PPTC7: variants seen among roughly 807,000 people sequenced by gnomAD.
The protein encoded by PPTC7 is protein phosphatase targeting COQ7.
In PPTC7, 6 loss-of-function variants were observed where a neutral mutation model predicts 30.8. That is an observed-to-expected ratio of 0.19 (90% CI 0.11 to 0.38). The LOEUF (loss-of-function observed/expected upper bound fraction) is 0.38, where lower values mean the gene tolerates loss of function less well. Ranked by LOEUF, PPTC7 falls within the 10% of genes least tolerant of loss-of-function variation. The pLI, the probability that PPTC7 is intolerant of heterozygous loss-of-function variation, is 1.00. For synonymous variants in PPTC7, 163 were observed against 168.1 expected (o/e 0.97, Z 0.23); for missense variants, 218 against 404.8 (o/e 0.54, Z 3.96).
intron 1 of PPTC7, among the ~76,000 whole-genome samples, chr12:110,582,336 G>C (rs1265968858): frequency 6.6e-6 from 1 of 152,196 alleles, no homozygotes; most frequent in African/African-American, 2.4e-5. Flanking sequence ...GGCTGTCTGG[G>C]GGCTCACGAC....
chr12:110,550,145 ACTC>A lies in PPTC7; in HGVS notation c.403+1641_403+1643del. ...AGAAGACAGCAGACTGATAAAAAGA[ACTC>A]CTTACAAAGGGCTTAAACTGAAAGC... On this transcript the variant is annotated intron_variant, in intron 2 of 5. Transcript: ENST00000354300. Among the ~76,000 whole-genome samples, 5 of 152,160 alleles carry A rather than the reference ACTC, an allele frequency of 3.3e-5. No homozygotes were observed. In the South Asian group the frequency reaches 1.0e-3, roughly 32 times the overall value.
chr12:110,563,844 C>G (rs1028858137), intron 1 of PPTC7, among the ~76,000 whole-genome samples: 1 of 152,204 alleles, frequency 6.6e-6, no homozygotes, highest in Non-Finnish European at 1.5e-5. Context: ...AAGATAATTT[C>G]CAGACTATTC....
chr12:110,558,749 C>T (rs560059036), intron 1 of PPTC7, among the ~76,000 whole-genome samples: 7 of 152,176 alleles, frequency 4.6e-5, no homozygotes, highest in South Asian at 2.1e-4. Context: ...CCTCAGCCCC[C>T]CAAGTAGCTA....
intron 1 of PPTC7, among the ~76,000 whole-genome samples, chr12:110,572,424 G>A (rs2064544485): frequency 6.6e-6 from 1 of 152,184 alleles, no homozygotes; most frequent in South Asian, 2.1e-4. Context: ...CTGGGTGACA[G>A]AGTGAGACTC....
At chr12:110,544,448 G>A (rs929833973) in intron 3 of PPTC7, among the ~76,000 whole-genome samples, 4 of 152,152 alleles carry the variant, frequency 2.6e-5, no homozygotes, top group Non-Finnish European at 4.4e-5. Context: ...GTCCTATAAA[G>A]CTATAAGATT....
chr12:110,559,536 T>G (rs1031017875), intron 1 of PPTC7, among the ~76,000 whole-genome samples: 40 of 151,120 alleles, frequency 2.6e-4, no homozygotes, highest in Non-Finnish European at 4.4e-4. Flanking sequence ...GACCAGCCTG[T>G]CCAACATGGT....
intron 3 of PPTC7, among the ~76,000 whole-genome samples, chr12:110,541,155 G>T (rs561487453): frequency 6.6e-6 from 1 of 151,588 alleles, no homozygotes; most frequent in African/African-American, 2.4e-5. Flanking sequence ...GCCAAGGTGG[G>T]TGGATCACCT....
intron 2 of PPTC7, among the ~76,000 whole-genome samples, chr12:110,550,481 C>T (rs1008240132): frequency 3.9e-5 from 6 of 152,022 alleles, no homozygotes; most frequent in Non-Finnish European, 7.4e-5. Context: ...CCGCCCACCT[C>T]GGCCTCCCAA....
At chr12:110,555,838 T>C (rs995447872) in intron 1 of PPTC7, among the ~76,000 whole-genome samples, 1 of 152,222 alleles carries the variant, frequency 6.6e-6, no homozygotes, top group African/African-American at 2.4e-5. Context: ...GAAACTCTTA[T>C]TTTACTAGGA....
At chr12:110,575,005 G>C (rs2064576547) in intron 1 of PPTC7, among the ~76,000 whole-genome samples, 3 of 149,240 alleles carry the variant, frequency 2.0e-5, no homozygotes, top group Non-Finnish European at 4.4e-5. Flanking sequence ...GGCCAGGCTG[G>C]TCTTGAACTT....
At chr12:110,547,611 C>CA (rs1258394400) in intron 2 of PPTC7, among the ~76,000 whole-genome samples, 1 of 151,762 alleles carries the variant, frequency 6.6e-6, no homozygotes, top group Non-Finnish European at 1.5e-5. Flanking sequence ...AACTGTACAC[C>CA]AAAAAGAGTA....
chr12:110,573,797 C>A (rs1237938862), intron 1 of PPTC7, among the ~76,000 whole-genome samples: 4 of 151,936 alleles, frequency 2.6e-5, no homozygotes, highest in African/African-American at 7.3e-5. Flanking sequence ...GCCTGACCAA[C>A]ATGGAGAAAC....
chr12:110,565,579 G>C (rs892808204), intron 1 of PPTC7, among the ~76,000 whole-genome samples: 1 of 152,134 alleles, frequency 6.6e-6, no homozygotes, highest in Non-Finnish European at 1.5e-5. Context: ...TTTTAGCAAT[G>C]AGTAATGTTA....
intron 1 of PPTC7, among the ~76,000 whole-genome samples, chr12:110,559,220 C>T (rs900792158): frequency 3.3e-5 from 5 of 151,708 alleles, no homozygotes; most frequent in Non-Finnish European, 5.9e-5. Flanking sequence ...TGTAGAGATG[C>T]GGTCTCATTA....
chr12:110,540,862 G>A (rs1454044137), intron 3 of PPTC7, among the ~76,000 whole-genome samples: 1 of 150,984 alleles, frequency 6.6e-6, no homozygotes, highest in South Asian at 2.1e-4. Context: ...TGCGAGCTCC[G>A]CTTCCTGGGT....
intron 2 of PPTC7, among the ~76,000 whole-genome samples, chr12:110,550,223 ATTTTTTTTTTTTT>A (rs796973487): frequency 1.9e-5 from 2 of 103,026 alleles, no homozygotes; most frequent in African/African-American, 7.5e-5. Flanking sequence ...ACAGGGGCTG[ATTTTTTTTTTTTT>A]TTTTTTTTTT....
chr12:110,568,906 T>C (rs1001073782), intron 1 of PPTC7, among the ~76,000 whole-genome samples: 6 of 152,124 alleles, frequency 3.9e-5, no homozygotes, highest in South Asian at 4.1e-4. Context: ...TCTCAACTAC[T>C]TGAGAGGCTG....
chr12:110,542,523 A>C (rs2135762244), intron 3 of PPTC7, among the ~76,000 whole-genome samples: 1 of 151,816 alleles, frequency 6.6e-6, no homozygotes. Flanking sequence ...AAATACAAAA[A>C]GTTAGATCAT....
intron 1 of PPTC7, among the ~76,000 whole-genome samples, chr12:110,564,805 G>A (rs150761989): frequency 0.052 from 6,104 of 117,732 alleles, 221 homozygotes; most frequent in Non-Finnish European, 0.076. Flanking sequence ...ATATATACAC[G>A]TATATGTATA....
Sources: gnomAD v4.1 joint callset for allele counts (sites outside exome capture counted in the v4.1 genomes callset) on GRCh38, gnomAD v4.1.1 for gene constraint, MANE v1.5 for transcripts, NCBI Gene and HGNC (gene_info 2026-07-23, HGNC 2026-07-21) for gene names.